Variants in TOMM70 observed in about 807,000 individuals in gnomAD.
TOMM70 encodes the protein mitochondrial import receptor subunit TOM70.
A neutral mutation model predicts 73.6 loss-of-function variants in TOMM70; 13 were observed. The ratio of observed to expected loss-of-function variants is 0.18; its 90% CI spans 0.11 to 0.28. The LOEUF is 0.28. TOMM70 is among the 10% of genes least tolerant of loss of function. The pLI is 1.00. For synonymous variants in TOMM70, 257 were observed against 271.2 expected, an observed-to-expected ratio of 0.95 and a Z score of 0.51; for missense variants, 609 against 747.5, an observed-to-expected ratio of 0.81 and a Z score of 2.16.
At position 100,394,365 on chromosome 3, in the gene TOMM70, C is replaced by CTTTTCTTTTT. The variant is rs769287867; in HGVS notation, c.324+6260_324+6261insAAAAAGAAAA. Among the ~76,000 whole-genome samples, 124 of 131,412 alleles carry CTTTTCTTTTT rather than the reference C, an allele frequency of 9.4e-4. 13 individuals carry two copies. The highest frequency in any genetic ancestry group is 3.5e-3 in the African/African-American group (121 of 34,116). 86.2% of individuals were successfully genotyped at this position (131,412 alleles called of 152,430 possible). On this transcript the variant is annotated intron_variant, in intron 1 of 11. Coordinates refer to ENST00000284320, the MANE Select transcript of TOMM70 (RefSeq NM_014820.5). ...ACTTATTGACCAACTGTTACTTTTT[C>CTTTTCTTTTT]TTTTTTTTTTTTTGAGATAGAGTTT... is the stretch of plus-strand genomic sequence containing the variant.
intron 3 of TOMM70, 123 bp from the exon 4 acceptor site, chr3:100,384,711 C>A: frequency 1.7e-6 from 1 of 572,922 alleles, no homozygotes. Flanking sequence ...GGGACTGTTT[C>A]ATTTCCAATT....
intron 1 of TOMM70, among the ~76,000 whole-genome samples, chr3:100,393,008 C>G (rs1221086475): frequency 2.0e-5 from 3 of 151,844 alleles, no homozygotes; most frequent in Non-Finnish European, 2.9e-5. Context: ...GAAACCCCAT[C>G]TCTACTAAAA....
intron 1 of TOMM70, among the ~76,000 whole-genome samples, chr3:100,389,719 A>C (rs1706737761): frequency 6.6e-6 from 1 of 152,262 alleles, no homozygotes; most frequent in South Asian, 2.1e-4. Flanking sequence ...AATAATCATG[A>C]ATCTTCATTT....
intron 1 of TOMM70, among the ~76,000 whole-genome samples, chr3:100,389,404 T>C (rs767929779): frequency 1.9e-4 from 29 of 152,074 alleles, no homozygotes; most frequent in Non-Finnish European, 7.4e-5. Context: ...GCAGAGTAAA[T>C]ATGGCAGTAA....
chr3:100,363,489 T>C lies in TOMM70; in HGVS notation c.*2075A>G, dbSNP rs1398513426. ...TGAATGTAATATTTATTTGGTGAAT[T>C]TACATGTGAGGTCATTTACAAAAGA... On this transcript the variant is annotated 3_prime_UTR_variant, in exon 12 of 12. Transcript: ENST00000284320. 6.6e-6 allele frequency: 1 copy of C among 152,594 alleles called. No individual in the cohort carries two copies. Among genetic ancestry groups the C allele is most frequent in the East Asian group, 1.9e-4 (1 of 5,198 alleles). The allele number at this position is 152,594 out of a possible 1,614,324, so 9.5% of individuals were successfully genotyped here.
intron 5 of TOMM70, among the ~76,000 whole-genome samples, chr3:100,380,553 C>T (rs2148891496): frequency 6.6e-6 from 1 of 152,236 alleles, no homozygotes; most frequent in Non-Finnish European, 1.5e-5. Context: ...GGTCCAATTC[C>T]AGTTAGTGTG....
intron 1 of TOMM70, among the ~76,000 whole-genome samples, chr3:100,387,631 C>T (rs1377350309): frequency 2.3e-5 from 3 of 128,050 alleles, no homozygotes; most frequent in South Asian, 2.6e-4. Flanking sequence ...CACACACACA[C>T]ACACGTATAT....
intron 1 of TOMM70, among the ~76,000 whole-genome samples, chr3:100,391,934 G>A (rs1161693147): frequency 6.6e-6 from 1 of 152,132 alleles, no homozygotes; most frequent in African/African-American, 2.4e-5. Flanking sequence ...AGTCTGACAA[G>A]CTCCATGTTA....
intron 6 of TOMM70, among the ~76,000 whole-genome samples, chr3:100,376,419 G>A (rs1240278075): frequency 7.1e-6 from 1 of 141,270 alleles, no homozygotes; most frequent in Non-Finnish European, 1.5e-5. Context: ...CTGGAGTACA[G>A]TGGCACAAGT....
intron 5 of TOMM70, among the ~76,000 whole-genome samples, chr3:100,380,298 C>T (rs421855): frequency 0.74 from 111,958 of 151,880 alleles, 42,172 homozygotes; most frequent in East Asian, 0.93. Flanking sequence ...TGAGCCAAGA[C>T]TGCACCACCA....
chr3:100,365,585 T>C lies in TOMM70; in HGVS notation c.1806A>G (p.Gly602=). ...HAQTEVAKKY[G]LKPPTL ...TGTTTTATAATGTTGGTGGTTTTAA[T>C]CCGTATTTCTTTGCAACTTCTGTCT... The change falls in exon 12 of 12, where the codon GGA becomes GGG. Residue 602 remains glycine (G), a synonymous_variant. Coordinates refer to ENST00000284320, the MANE Select transcript of TOMM70 (RefSeq NM_014820.5). 1 of 1,614,204 alleles carries C rather than the reference T, an allele frequency of 6.2e-7. No individual in the cohort carries two copies. Among genetic ancestry groups the C allele is most frequent in the Non-Finnish European group, 8.5e-7 (1 of 1,180,014 alleles).
chr3:100,400,863 C>G lies in TOMM70; in HGVS notation c.87G>C (p.Ala29=), dbSNP rs1482491311. The change falls in exon 1 of 12, where the codon GCG becomes GCC. Residue 29 remains alanine (A), a synonymous_variant. Coordinates refer to ENST00000284320, the MANE Select transcript of TOMM70 (RefSeq NM_014820.5). Reference sequence around the variant, plus strand: ...GCGGCAGCCCCCCCGTGCCCGGGCCCGCAGTCCCGCCGCCGCCCACCCCAC... The same window carrying G: ...GCGGCAGCCCCCCCGTGCCCGGGCCGGCAGTCCCGCCGCCGCCCACCCCAC... ...SGSGVGGGGT[A]GPGTGGLPRW... 8 of 1,526,950 alleles carry G rather than the reference C, an allele frequency of 5.2e-6. No individual in the cohort carries two copies. Among genetic ancestry groups the G allele is most frequent in the East Asian group, 2.5e-5 (1 of 39,670 alleles). 94.6% of individuals were successfully genotyped at this position (1,526,950 alleles called of 1,614,324 possible).
Position 100,365,422 on chromosome 3 carries a change from T to C in TOMM70, c.*142A>G. ...CAGCCACACCCACAACACCTAGACA[T>C]GAAACAGATGTAACAAATAACAACA... On this transcript the variant is annotated 3_prime_UTR_variant, in exon 12 of 12. Coordinates refer to ENST00000284320, the MANE Select transcript of TOMM70 (RefSeq NM_014820.5). 7 of 1,286,054 alleles carry C rather than the reference T, an allele frequency of 5.4e-6. No homozygotes were observed. Among genetic ancestry groups the C allele is most frequent in the African/African-American group, 1.5e-5 (1 of 67,176 alleles). The allele number at this position is 1,286,054 out of a possible 1,614,324, so 79.7% of individuals were successfully genotyped here.
chr3:100,401,041 G>C lies in TOMM70; in HGVS notation c.-92C>G. On this transcript the variant is annotated 5_prime_UTR_variant, in exon 1 of 12. Transcript: ENST00000284320. ...AGGAAGACCGAGGGAGGGAAGGAAA[G>C]CAATGAGCGAGCGAGCACGCTAGGC... The C allele has an allele frequency of 7.5e-6, 10 of 1,340,208 alleles. No homozygotes were observed. The highest frequency in any genetic ancestry group is 1.0e-5 in the Non-Finnish European group (10 of 979,274). 83.0% of individuals were successfully genotyped at this position (1,340,208 alleles called of 1,614,324 possible).
At chr3:100,392,682 T>C (rs1706776306) in intron 1 of TOMM70, among the ~76,000 whole-genome samples, 1 of 151,924 alleles carries the variant, frequency 6.6e-6, no homozygotes, top group African/African-American at 2.4e-5. Flanking sequence ...CCTCCCAAAG[T>C]GTTGGGATTA....
intron 1 of TOMM70, among the ~76,000 whole-genome samples, chr3:100,395,294 G>C (rs527518690): frequency 6.6e-6 from 1 of 151,990 alleles, no homozygotes; most frequent in Admixed American, 6.6e-5. Flanking sequence ...GGTTGAACCC[G>C]GGAGGCAGAG....
At chr3:100,398,063 G>A (rs1706845468) in intron 1 of TOMM70, among the ~76,000 whole-genome samples, 2 of 151,984 alleles carry the variant, frequency 1.3e-5, no homozygotes, top group Admixed American at 6.6e-5. Flanking sequence ...GATGAGGTGG[G>A]GTGGCTGAAA....
rs552950796 is a variant in TOMM70 at position 100,368,222 on chromosome 3, A to G, written c.1551-56T>C. The G allele has an allele frequency of 3.2e-6, 5 of 1,565,428 alleles. No homozygotes were observed. The East Asian group carries it at 9.2e-5, about 29-fold the overall frequency. ...CATGGCCCAGTATCAGTAGGAATAC[A>G]CACACATTAATATGACTCAATTTCT... On this transcript the variant is annotated intron_variant, in intron 10 of 11. Transcript: ENST00000284320.
At chr3:100,384,372 G>T in intron 4 of TOMM70, 107 bp downstream of exon 4, 1 of 664,246 alleles carries the variant, frequency 1.5e-6, no homozygotes, top group Non-Finnish European at 2.5e-6. Flanking sequence ...AGTTCTAATT[G>T]CAGTTGTTGC....
Sources: gnomAD v4.1 joint callset for allele counts (sites outside exome capture counted in the v4.1 genomes callset) on GRCh38, gnomAD v4.1.1 for gene constraint, MANE v1.5 for transcripts, NCBI Gene and HGNC (gene_info 2026-07-23, HGNC 2026-07-21) for gene names.